The following TAF4B variants were observed in gnomAD, a reference collection of about 807,000 sequenced individuals.
TAF4B encodes the protein transcription initiation factor TFIID subunit 4B.
In TAF4B, 38 loss-of-function variants were observed where a neutral mutation model predicts 86.4. That is an observed-to-expected ratio of 0.44 (90% CI 0.34 to 0.58). TAF4B has a LOEUF of 0.58. Ranked by LOEUF, TAF4B falls within the 20% of genes least tolerant of loss-of-function variation. The pLI, the probability that TAF4B is intolerant of heterozygous loss-of-function variation, is 0.02. For synonymous variants in TAF4B, 388 were observed against 391.2 expected, an observed-to-expected ratio of 0.99 and a Z score of 0.10; for missense variants, 988 against 1,027.6, an observed-to-expected ratio of 0.96 and a Z score of 0.53.
At chr18:26,237,691 A>G (rs2055770230) in intron 1 of TAF4B, among the ~76,000 whole-genome samples, 1 of 152,170 alleles carries the variant, frequency 6.6e-6, no homozygotes, top group African/African-American at 2.4e-5. Context: ...TGGACGTAAG[A>G]TACCTCACTC....
intron 14 of TAF4B, among the ~76,000 whole-genome samples, chr18:26,387,479 TATG>T (rs1435368295): frequency 6.6e-6 from 1 of 152,206 alleles, no homozygotes; most frequent in Non-Finnish European, 1.5e-5. Flanking sequence ...GCAAAAATCT[TATG>T]AAGATATTTT....
At chr18:26,229,271 A>G (rs913288396) in intron 1 of TAF4B, among the ~76,000 whole-genome samples, 2 of 152,206 alleles carry the variant, frequency 1.3e-5, no homozygotes, top group African/African-American at 4.8e-5. Flanking sequence ...GAGAGAAAGA[A>G]GATAAGTTGT....
At chr18:26,248,740 G>A (rs1450878636) in intron 1 of TAF4B, among the ~76,000 whole-genome samples, 1 of 78,228 alleles carries the variant, frequency 1.3e-5, no homozygotes, top group East Asian at 3.9e-4. Context: ...TCCCAGGCTG[G>A]CCTTGAACTC....
chr18:26,354,643 C>G (rs943855253), intron 13 of TAF4B, among the ~76,000 whole-genome samples: 3 of 152,148 alleles, frequency 2.0e-5, no homozygotes, highest in Non-Finnish European at 4.4e-5. Context: ...GAAGTTTGGT[C>G]AAGGAGAGAA....
intron 10 of TAF4B, among the ~76,000 whole-genome samples, chr18:26,316,483 CAGG>C (rs1181374518): frequency 2.0e-5 from 3 of 151,976 alleles, no homozygotes; most frequent in Non-Finnish European, 4.4e-5. Context: ...CTCTGCCTCC[CAGG>C]TTCAAGTGAT....
intron 1 of TAF4B, among the ~76,000 whole-genome samples, chr18:26,255,028 C>T (rs2056061247): frequency 1.3e-5 from 2 of 152,072 alleles, no homozygotes; most frequent in South Asian, 4.1e-4. Context: ...GACAAACTTA[C>T]TATCATGAGG....
intron 6 of TAF4B, among the ~76,000 whole-genome samples, chr18:26,285,211 T>TTCTTTTTTTTGTTTTTGTTTTTG (rs2056497390): frequency 1.2e-5 from 1 of 82,678 alleles, no homozygotes; most frequent in Non-Finnish European, 2.5e-5. Context: ...CTTCCTTTCC[T>TTCTTTTTTTTGTTTTTGTTTTTG]TTTTTTTTTT....
chr18:26,332,619 T>TC (rs2057059468), intron 12 of TAF4B, among the ~76,000 whole-genome samples: 1 of 152,086 alleles, frequency 6.6e-6, no homozygotes, highest in Non-Finnish European at 1.5e-5. Flanking sequence ...AACTTCCGCC[T>TC]CCCAAGTTCA....
intron 13 of TAF4B, among the ~76,000 whole-genome samples, chr18:26,352,708 A>G (rs2057255119): frequency 6.6e-6 from 1 of 152,082 alleles, no homozygotes; most frequent in Non-Finnish European, 1.5e-5. Flanking sequence ...GTAAGATGAG[A>G]TCGCATCACT....
Position 26,390,046 on chromosome 18 carries a change from T to C in TAF4B, c.*34T>C. The C allele has an allele frequency of 1.3e-6, 2 of 1,592,858 alleles. No individual in the cohort carries two copies. Among genetic ancestry groups the C allele is most frequent in the Non-Finnish European group, 1.7e-6 (2 of 1,169,620 alleles). ...CTCTTCCATCCAGATCCTTGCTATT[T>C]ACTGCCAAAGAAGACACAAAGCATT... On this transcript the variant is annotated 3_prime_UTR_variant, in exon 15 of 15. Transcript: ENST00000269142.
chr18:26,343,476 AT>A (rs2057151992), intron 13 of TAF4B, among the ~76,000 whole-genome samples: 1 of 152,220 alleles, frequency 6.6e-6, no homozygotes, highest in African/African-American at 2.4e-5. Context: ...TCCAAATAAC[AT>A]TGCAAAAGCT....
chr18:26,291,405 C>T (rs1187565837), intron 7 of TAF4B, among the ~76,000 whole-genome samples: 2 of 151,978 alleles, frequency 1.3e-5, no homozygotes, highest in Non-Finnish European at 2.9e-5. Flanking sequence ...TGGTGGCTCA[C>T]GCCCTGTGTG....
intron 13 of TAF4B, among the ~76,000 whole-genome samples, chr18:26,357,473 C>T (rs940080191): frequency 1.3e-5 from 2 of 152,108 alleles, no homozygotes; most frequent in African/African-American, 2.4e-5. Context: ...TTCTCCTTTA[C>T]CTGAGTTCTG....
At chr18:26,376,628 G>A (rs531718192) in intron 14 of TAF4B, among the ~76,000 whole-genome samples, 5 of 151,800 alleles carry the variant, frequency 3.3e-5, no homozygotes, top group African/African-American at 1.2e-4. Flanking sequence ...TCTGCAAATA[G>A]TGGTAGTTGT....
intron 1 of TAF4B, among the ~76,000 whole-genome samples, chr18:26,250,803 A>T (rs1034279234): frequency 3.3e-5 from 5 of 152,242 alleles, no homozygotes; most frequent in African/African-American, 4.8e-5. Context: ...ACATCACCTG[A>T]AATCTAACAA....
chr18:26,263,501 CTG>C (rs2056197823), intron 1 of TAF4B, among the ~76,000 whole-genome samples: 1 of 152,134 alleles, frequency 6.6e-6, no homozygotes, highest in African/African-American at 2.4e-5. Context: ...TCCTTGGCCT[CTG>C]TGTTTCTTTT....
intron 10 of TAF4B, among the ~76,000 whole-genome samples, chr18:26,316,371 G>T (rs1377311523): frequency 6.7e-6 from 1 of 149,660 alleles, no homozygotes; most frequent in African/African-American, 2.5e-5. Context: ...TAAATGACCA[G>T]GGTTTTCTTC....
At chr18:26,271,073 A>T (rs2056310616) in intron 3 of TAF4B, among the ~76,000 whole-genome samples, 1 of 152,218 alleles carries the variant, frequency 6.6e-6, no homozygotes, top group South Asian at 2.1e-4. Context: ...GAAGTTAATG[A>T]TATCTGTCCA....
intron 14 of TAF4B, among the ~76,000 whole-genome samples, chr18:26,372,801 T>A (rs1353691512): frequency 6.7e-6 from 1 of 149,632 alleles, no homozygotes; most frequent in Admixed American, 6.8e-5. Flanking sequence ...AAACCCCGTC[T>A]CTACTAAAAA....
Sources: gnomAD v4.1 joint callset for allele counts (sites outside exome capture counted in the v4.1 genomes callset) on GRCh38, gnomAD v4.1.1 for gene constraint, MANE v1.5 for transcripts, NCBI Gene and HGNC (gene_info 2026-07-23, HGNC 2026-07-21) for gene names.